The following CFDP1 variants were observed in gnomAD, a reference collection of about 807,000 sequenced individuals.
CFDP1 encodes heterochromatin-stabilizing protein CFDP1.
CFDP1 carries 31 observed loss-of-function variants against 40.1 expected under a neutral mutation model. The ratio of observed to expected loss-of-function variants is 0.77; its 90% CI spans 0.58 to 1.04. The LOEUF is 1.04. Among genes scored for constraint, CFDP1 ranks in the 50% least tolerant of loss-of-function variants. The pLI is 0.00. For missense variants in CFDP1, 423 were observed against 343.4 expected, an observed-to-expected ratio of 1.23 and a Z score of -1.83; for synonymous variants, 167 against 120.0, an observed-to-expected ratio of 1.39 and a Z score of -2.56.
chr16:75,353,188 T>C (rs2078624293), intron 5 of CFDP1, among the ~76,000 whole-genome samples: 1 of 152,232 alleles, frequency 6.6e-6, no homozygotes, highest in Non-Finnish European at 1.5e-5. Flanking sequence ...TAGACCTTAC[T>C]GGATCCAAAC....
chr16:75,411,917 T>A lies in CFDP1; in HGVS notation c.438A>T (p.Lys146Asn). ...GEETEETSSS[K>N]LLVKAEELEK... ...CTAGCTCTTCTGCTTTTACCAACAATTTACTTGAACTTGTCTCTTCAGTCT... is the reference window on the plus strand; with the variant it reads ...CTAGCTCTTCTGCTTTTACCAACAAATTACTTGAACTTGTCTCTTCAGTCT... The change falls in exon 4 of 7, where the codon AAA becomes AAT. Residue 146 changes from lysine to asparagine, a missense_variant. Transcript: ENST00000283882. 1.2e-6 allele frequency: 2 copies of A among 1,611,398 alleles called. No individual in the cohort carries two copies. The highest frequency in any genetic ancestry group is 1.7e-6 in the Non-Finnish European group (2 of 1,179,320).
intron 5 of CFDP1, among the ~76,000 whole-genome samples, chr16:75,348,899 G>C (rs1356353033): frequency 6.6e-6 from 1 of 152,068 alleles, no homozygotes; most frequent in Non-Finnish European, 1.5e-5. Flanking sequence ...GGGTCTTGCT[G>C]TCTGCCACCC....
chr16:75,310,154 T>C (rs1030557021), intron 5 of CFDP1, among the ~76,000 whole-genome samples: 1 of 152,218 alleles, frequency 6.6e-6, no homozygotes, highest in African/African-American at 2.4e-5. Flanking sequence ...TTTGTTGACC[T>C]TACTACCATA....
At chr16:75,420,235 G>A (rs574975292) in intron 1 of CFDP1, among the ~76,000 whole-genome samples, 1 of 152,164 alleles carries the variant, frequency 6.6e-6, no homozygotes, top group South Asian at 2.1e-4. Context: ...ATACAAGAGA[G>A]GGATCAGACT....
At chr16:75,347,195 TCAG>T (rs1457312669) in intron 5 of CFDP1, among the ~76,000 whole-genome samples, 1 of 149,288 alleles carries the variant, frequency 6.7e-6, no homozygotes, top group Non-Finnish European at 1.5e-5. Context: ...GTACAAAAAG[TCAG>T]CTGGGCATAA....
chr16:75,418,766 G>T (rs1368189552), intron 1 of CFDP1, among the ~76,000 whole-genome samples: 1 of 150,416 alleles, frequency 6.6e-6, no homozygotes, highest in Admixed American at 6.6e-5. Flanking sequence ...TTTCAGGTCT[G>T]AGGCAAAGAA....
In CFDP1 at chr16:75,432,256, C is replaced by T. The variant is rs113622883; in HGVS notation, c.64+1033G>A. Among the ~76,000 whole-genome samples, 5 of 147,748 alleles carry T rather than the reference C, an allele frequency of 3.4e-5. No individual in the cohort carries two copies. The East Asian group carries it at 6.3e-4, about 19-fold the overall frequency. ...TGCCTTTTAGAAATACTTCACTAGC[C>T]GGGGCGCGGTGGCTCATGCCTGTAA... On this transcript the variant is annotated intron_variant, in intron 1 of 6. Coordinates refer to ENST00000283882, the MANE Select transcript of CFDP1 (RefSeq NM_006324.3).
At chr16:75,299,586 C>G (rs2078208258) in intron 6 of CFDP1, among the ~76,000 whole-genome samples, 1 of 150,556 alleles carries the variant, frequency 6.6e-6, no homozygotes. Context: ...AAGAGCGAGA[C>G]TCCATCTCAA....
chr16:75,337,701 A>G (rs1228295287), intron 5 of CFDP1, among the ~76,000 whole-genome samples: 1 of 152,088 alleles, frequency 6.6e-6, no homozygotes, highest in African/African-American at 2.4e-5. Flanking sequence ...GAGGTGCCAC[A>G]CACTTTTAAA....
At chr16:75,379,434 T>C (rs1179262214) in intron 5 of CFDP1, among the ~76,000 whole-genome samples, 1 of 152,128 alleles carries the variant, frequency 6.6e-6, no homozygotes, top group South Asian at 2.1e-4. Flanking sequence ...GAGAATATTA[T>C]GCAGAATTCT....
rs567385317 is a variant in CFDP1 at position 75,425,222 on chromosome 16, T to C, written c.64+8067A>G. Among the ~76,000 whole-genome samples, 16 of 151,950 alleles carry C rather than the reference T, an allele frequency of 1.1e-4. No individual in the cohort carries two copies. In the South Asian group the frequency reaches 3.3e-3, roughly 32 times the overall value. ...CTTTTTCGAGAGATGAACAAAGTGA[T>C]TTTACAATGCATATGGTGGCCAGGC... On this transcript the variant is annotated intron_variant, in intron 1 of 6. Coordinates refer to ENST00000283882, the MANE Select transcript of CFDP1 (RefSeq NM_006324.3).
At chr16:75,403,935 C>G (rs2151574723) in intron 4 of CFDP1, among the ~76,000 whole-genome samples, 1 of 151,990 alleles carries the variant, frequency 6.6e-6, no homozygotes, top group East Asian at 2.0e-4. Context: ...AGTTGGAGAC[C>G]AGCCTGGCCA....
At chr16:75,356,916 T>C (rs910938972) in intron 5 of CFDP1, among the ~76,000 whole-genome samples, 10 of 144,890 alleles carry the variant, frequency 6.9e-5, no homozygotes, top group South Asian at 2.1e-4. Context: ...TCTTTCTTTT[T>C]TTTTTTTTTT....
At chr16:75,324,833 T>C (rs546237961) in intron 5 of CFDP1, 1 of 152,212 alleles carries the variant, frequency 6.6e-6, no homozygotes, top group Admixed American at 6.5e-5. Flanking sequence ...GGCTAAGTCA[T>C]CTTTGGCAGC....
At chr16:75,336,894 T>C (rs952476541) in intron 5 of CFDP1, among the ~76,000 whole-genome samples, 1 of 152,220 alleles carries the variant, frequency 6.6e-6, no homozygotes, top group African/African-American at 2.4e-5. Context: ...TATGAGCCAT[T>C]TGTATTTCCT....
chr16:75,403,105 C>T lies in CFDP1; in HGVS notation c.531-7896G>A, dbSNP rs117457080. On this transcript the variant is annotated intron_variant, in intron 4 of 6. Coordinates refer to ENST00000283882, the MANE Select transcript of CFDP1 (RefSeq NM_006324.3). ...GAAAACAGCAGACGCCCTGAATACC[C>T]ATCAAGGACATTTAAAATTACCATC... is the stretch of plus-strand genomic sequence containing the variant. Among the ~76,000 whole-genome samples, 1,005 of 152,246 alleles carry T rather than the reference C, an allele frequency of 6.6e-3. 12 individuals are homozygous for T. The highest frequency in any genetic ancestry group is 0.017 in the Middle Eastern group (5 of 294).
chr16:75,335,141 A>G (rs759092460), intron 5 of CFDP1, among the ~76,000 whole-genome samples: 27 of 152,122 alleles, frequency 1.8e-4, no homozygotes, highest in Non-Finnish European at 2.9e-4. Flanking sequence ...ATTCTATTTC[A>G]GGCTGGTCTT....
chr16:75,386,012 G>A (rs1480206898), intron 5 of CFDP1, among the ~76,000 whole-genome samples: 1 of 152,080 alleles, frequency 6.6e-6, no homozygotes, highest in African/African-American at 2.4e-5. Context: ...CACAACCAAG[G>A]GTATAGGAAT....
chr16:75,313,381 G>A (rs1186116417), intron 5 of CFDP1, among the ~76,000 whole-genome samples: 2 of 152,222 alleles, frequency 1.3e-5, no homozygotes, highest in Non-Finnish European at 2.9e-5. Context: ...CCAGGCTGGA[G>A]TGCAGTGGCG....
Sources: allele counts gnomAD v4.1 joint callset (sites outside exome capture counted in the v4.1 genomes callset), GRCh38; gene constraint gnomAD v4.1.1; transcripts MANE v1.5; gene names NCBI Gene and HGNC (gene_info 2026-07-23, HGNC 2026-07-21).